The following CORO2B variants were observed in gnomAD, a reference collection of about 807,000 sequenced individuals.
CORO2B encodes the protein coronin-2B.
In CORO2B, 26 loss-of-function variants were observed where a neutral mutation model predicts 58.8. The ratio of observed to expected loss-of-function variants is 0.44; its 90% CI spans 0.32 to 0.61. The LOEUF (loss-of-function observed/expected upper bound fraction) is 0.61. CORO2B is among the 20% of genes least tolerant of loss of function. CORO2B has a pLI of 0.04. For synonymous variants in CORO2B, 242 were observed against 253.8 expected (o/e 0.95, Z 0.44); for missense variants, 460 against 645.1 (o/e 0.71, Z 3.11).
chr15:68,520,871 C>G, the CORO2B span, among the ~76,000 whole-genome samples: 1 of 152,086 alleles, frequency 6.6e-6, no homozygotes, highest in Non-Finnish European at 1.5e-5. Flanking sequence ...CATGGCAAAA[C>G]CCCATCTCCA....
upstream of CORO2B, among the ~76,000 whole-genome samples, chr15:68,576,497 G>T (rs1595947284): frequency 1.3e-5 from 2 of 152,228 alleles, no homozygotes; most frequent in Admixed American, 6.5e-5. Context: ...GTGCCAAGAG[G>T]CATGCTGGGA....
chr15:68,670,814 C>T (rs973524569), intron 2 of CORO2B, among the ~76,000 whole-genome samples: 1 of 152,160 alleles, frequency 6.6e-6, no homozygotes, highest in African/African-American at 2.4e-5. Context: ...TGGGTGCTGT[C>T]AGGGTTATAG....
At chr15:68,658,975 G>A (rs1033401981) in intron 2 of CORO2B, among the ~76,000 whole-genome samples, 2 of 152,116 alleles carry the variant, frequency 1.3e-5, no homozygotes, top group African/African-American at 4.8e-5. Context: ...GATTGCCCTC[G>A]CCCACCAATA....
intron 1 of CORO2B, among the ~76,000 whole-genome samples, chr15:68,636,921 A>G (rs1363210151): frequency 2.6e-5 from 4 of 152,206 alleles, no homozygotes; most frequent in Non-Finnish European, 5.9e-5. Context: ...ACATGTGCCT[A>G]TTGAGCACTT....
intron 1 of CORO2B, among the ~76,000 whole-genome samples, chr15:68,587,648 C>T (rs554634554): frequency 2.4e-4 from 36 of 152,288 alleles, no homozygotes; most frequent in Admixed American, 2.0e-3. Flanking sequence ...ATAATAGAAG[C>T]GGCTAACCCT....
At chr15:68,550,932 C>T in the CORO2B span, among the ~76,000 whole-genome samples, 42 of 152,334 alleles carry the variant, frequency 2.8e-4, no homozygotes, top group African/African-American at 9.9e-4. Flanking sequence ...AGCCTCCCCA[C>T]ACCTCCAGTC....
chr15:68,640,513 A>T (rs1309748548), intron 1 of CORO2B, among the ~76,000 whole-genome samples: 2 of 20,256 alleles, frequency 9.9e-5, no homozygotes, highest in South Asian at 7.7e-4. Context: ...ATGCTATTTA[A>T]AAAAAAAAAA....
At chr15:68,670,068 A>AAG (rs397708940) in intron 2 of CORO2B, among the ~76,000 whole-genome samples, 1 of 146,670 alleles carries the variant, frequency 6.8e-6, no homozygotes, top group Non-Finnish European at 1.5e-5. Flanking sequence ...GAAAAAAAAA[A>AAG]GGGGGGGAAA....
the CORO2B span, among the ~76,000 whole-genome samples, chr15:68,560,829 G>A: frequency 6.6e-6 from 1 of 152,186 alleles, no homozygotes. Context: ...TTCTGTACGA[G>A]GGAAAAGCCT....
intron 2 of CORO2B, among the ~76,000 whole-genome samples, chr15:68,654,490 C>G (rs1204473902): frequency 6.6e-6 from 1 of 152,356 alleles, no homozygotes; most frequent in East Asian, 1.9e-4. Flanking sequence ...AGAGGCATTG[C>G]CCTGGCCTCT....
At position 68,726,030 on chromosome 15, in the gene CORO2B, T is replaced by C. The variant is rs1436564615; in HGVS notation, c.*56T>C. The C allele has an allele frequency of 1.9e-6, 3 of 1,600,930 alleles. No homozygotes were observed. In the African/African-American group the frequency reaches 4.0e-5, roughly 21 times the overall value. On this transcript the variant is annotated 3_prime_UTR_variant, in exon 12 of 12. Transcript: ENST00000261861. ...CTCTCCGTCGTTTCTACTCATCCCT[T>C]AACTTCTCCCTTACCAGTGACCCCA...
At chr15:68,669,233 A>G (rs1902306336) in intron 2 of CORO2B, among the ~76,000 whole-genome samples, 1 of 152,238 alleles carries the variant, frequency 6.6e-6, no homozygotes, top group Non-Finnish European at 1.5e-5. Context: ...CTCGGCCTTG[A>G]GAAGCAGGGA....
chr15:68,719,893 C>A (rs1448189140), intron 11 of CORO2B, among the ~76,000 whole-genome samples: 2 of 152,230 alleles, frequency 1.3e-5, no homozygotes, highest in Non-Finnish European at 2.9e-5. Flanking sequence ...CCTCGTGTAT[C>A]ACAGCCCTGC....
chr15:68,532,708 A>C, the CORO2B span, among the ~76,000 whole-genome samples: 3 of 152,210 alleles, frequency 2.0e-5, no homozygotes, highest in African/African-American at 7.2e-5. Context: ...ACTTTAGCTT[A>C]ATTGTGAATA....
At position 68,695,220 on chromosome 15, in the gene CORO2B, C is replaced by T. The variant is rs1892481118; in HGVS notation, c.297C>T (p.Ile99=). The change falls in exon 3 of 12, where the codon ATC becomes ATT. Residue 99 remains isoleucine (I), a synonymous_variant. Transcript: ENST00000261861. ...NVLDIKWNPF[I]DNIIASCSED... ...TGGATATCAAATGGAACCCCTTCATCGACAACATCATTGCCTCGTGCTCGG... is the reference window on the plus strand; with the variant it reads ...TGGATATCAAATGGAACCCCTTCATTGACAACATCATTGCCTCGTGCTCGG... 6 of 1,614,112 alleles carry T rather than the reference C, an allele frequency of 3.7e-6. No individual in the cohort carries two copies. In the South Asian group the frequency reaches 4.4e-5, roughly 12 times the overall value.
chr15:68,699,693 G>A (rs1026474161), intron 3 of CORO2B, among the ~76,000 whole-genome samples: 5 of 152,276 alleles, frequency 3.3e-5, no homozygotes, highest in African/African-American at 1.2e-4. Flanking sequence ...GAACCAACAG[G>A]TTCCTGAGGC....
chr15:68,626,659 C>T (rs1197857944), intron 1 of CORO2B, among the ~76,000 whole-genome samples: 3 of 152,196 alleles, frequency 2.0e-5, no homozygotes, highest in East Asian at 1.9e-4. Context: ...AGTGGCTTTT[C>T]ATTCTCACTG....
chr15:68,586,011 C>T (rs1218087734), intron 1 of CORO2B, among the ~76,000 whole-genome samples: 2 of 152,144 alleles, frequency 1.3e-5, no homozygotes, highest in Non-Finnish European at 2.9e-5. Flanking sequence ...AGCCTTTTCT[C>T]GAGTTAGCCC....
intron 1 of CORO2B, among the ~76,000 whole-genome samples, chr15:68,642,153 C>T (rs1644051916): frequency 1.3e-5 from 2 of 150,344 alleles, no homozygotes; most frequent in South Asian, 2.1e-4. Flanking sequence ...TCTCCTGCTT[C>T]AGCCTCCCGA....
Sources: gnomAD v4.1 joint callset for allele counts (sites outside exome capture counted in the v4.1 genomes callset) on GRCh38, gnomAD v4.1.1 for gene constraint, MANE v1.5 for transcripts, NCBI Gene and HGNC (gene_info 2026-07-23, HGNC 2026-07-21) for gene names.